Variants in MSI2 observed in about 807,000 individuals in gnomAD.
MSI2 encodes musashi RNA binding protein 2.
A neutral mutation model predicts 45.6 loss-of-function variants in MSI2; 17 were observed. The ratio of observed to expected loss-of-function variants is 0.37; its 90% CI spans 0.26 to 0.56. The LOEUF (loss-of-function observed/expected upper bound fraction) is 0.56. Among genes scored for constraint, MSI2 ranks in the 20% least tolerant of loss-of-function variants. MSI2 has a pLI of 0.77. For missense variants in MSI2, 293 were observed against 444.2 expected (o/e 0.66, Z 3.06); for synonymous variants, 156 against 158.2 (o/e 0.99, Z 0.11).
chr17:57,430,272 G>A (rs1255447905), intron 6 of MSI2, among the ~76,000 whole-genome samples: 1 of 152,150 alleles, frequency 6.6e-6, no homozygotes, highest in East Asian at 1.9e-4. Context: ...AATTAGGCAT[G>A]AATGGCAAAC....
At chr17:57,272,724 G>A (rs992658348) in intron 5 of MSI2, among the ~76,000 whole-genome samples, 4 of 152,120 alleles carry the variant, frequency 2.6e-5, no homozygotes, top group Non-Finnish European at 5.9e-5. Flanking sequence ...GCTCAGTTGC[G>A]AACTAGTTTC....
intron 5 of MSI2, chr17:57,277,840 A>G (rs2143341979): frequency 6.6e-6 from 1 of 152,324 alleles, no homozygotes; most frequent in African/African-American, 2.4e-5. Context: ...TTTTACTATT[A>G]ACAGCTCCAT....
At chr17:57,492,938 AT>A (rs2085904569) in intron 6 of MSI2, among the ~76,000 whole-genome samples, 1 of 152,020 alleles carries the variant, frequency 6.6e-6, no homozygotes, top group South Asian at 2.1e-4. Context: ...TTCTTCCTCC[AT>A]TTTCCATCAG....
chr17:57,525,251 T>G (rs1001073149), intron 6 of MSI2, among the ~76,000 whole-genome samples: 3 of 152,034 alleles, frequency 2.0e-5, no homozygotes, highest in Non-Finnish European at 4.4e-5. Flanking sequence ...CTTACCTAAA[T>G]GTTACTTTAC....
At chr17:57,454,856 C>T (rs2085082842) in intron 6 of MSI2, among the ~76,000 whole-genome samples, 1 of 152,224 alleles carries the variant, frequency 6.6e-6, no homozygotes, top group Non-Finnish European at 1.5e-5. Context: ...GTAGAGGTAA[C>T]AGCGCAGCCC....
intron 11 of MSI2, among the ~76,000 whole-genome samples, chr17:57,656,222 C>T (rs1388555107): frequency 3.3e-5 from 5 of 152,296 alleles, no homozygotes; most frequent in East Asian, 1.9e-4. Context: ...TCACACTCCC[C>T]GTTCCCCCAG....
chr17:57,471,204 C>T (rs1030120363), intron 6 of MSI2, among the ~76,000 whole-genome samples: 2 of 151,744 alleles, frequency 1.3e-5, no homozygotes, highest in African/African-American at 4.8e-5. Context: ...ACCTTTAGCT[C>T]CATCCAAGGT....
At chr17:57,654,824 C>T (rs1279284659) in intron 11 of MSI2, among the ~76,000 whole-genome samples, 1 of 152,130 alleles carries the variant, frequency 6.6e-6, no homozygotes, top group Non-Finnish European at 1.5e-5. Flanking sequence ...CTCTGCTCCC[C>T]AGGGGCTCTC....
chr17:57,285,878 G>A, intron 5 of MSI2: 2 of 1,525,714 alleles, frequency 1.3e-6, no homozygotes, highest in Non-Finnish European at 1.7e-6. Flanking sequence ...CCGAACAGGT[G>A]TTTAGATGAT....
intron 5 of MSI2, among the ~76,000 whole-genome samples, chr17:57,399,207 G>A (rs1567801378): frequency 6.6e-6 from 1 of 152,154 alleles, no homozygotes; most frequent in Non-Finnish European, 1.5e-5. Context: ...TGTGCACAGT[G>A]GTGGGATCTT....
At chr17:57,597,368 C>T (rs6503821) in intron 8 of MSI2, among the ~76,000 whole-genome samples, 74,908 of 151,136 alleles carry the variant, frequency 0.5, 18,735 homozygotes, top group Admixed American at 0.56. Flanking sequence ...TGATGGCTCA[C>T]GCCTATAACC....
intron 10 of MSI2, among the ~76,000 whole-genome samples, chr17:57,649,580 A>AAC (rs1182471402): frequency 1.3e-5 from 2 of 152,078 alleles, no homozygotes; most frequent in Non-Finnish European, 2.9e-5. Flanking sequence ...ATACACACCC[A>AAC]ACACACACAC....
At chr17:57,618,193 G>C (rs2144570359) in intron 9 of MSI2, 1 of 151,554 alleles carries the variant, frequency 6.6e-6, no homozygotes. Flanking sequence ...ACTCTGGGCT[G>C]TGCAGATTTG....
chr17:57,422,916 G>T (rs963171523), intron 6 of MSI2, among the ~76,000 whole-genome samples: 1 of 152,168 alleles, frequency 6.6e-6, no homozygotes, highest in Non-Finnish European at 1.5e-5. Flanking sequence ...GGGCACCATG[G>T]GTTTCTTTCT....
In MSI2 at chr17:57,521,156, G is replaced by C. The variant is rs189701428; in HGVS notation, c.406-8520G>C. Among the ~76,000 whole-genome samples, 130 of 152,290 alleles carry C rather than the reference G, an allele frequency of 8.5e-4. 1 individual carries two copies. The highest frequency in any genetic ancestry group is 7.1e-3 in the Admixed American group (109 of 15,300). On this transcript the variant is annotated intron_variant, in intron 6 of 13. Coordinates refer to ENST00000284073, the MANE Select transcript of MSI2 (RefSeq NM_138962.4). ...GCACCTTCATCACTGCAGTCTTCCA[G>C]GGGTAAACACACAGGGACAGAAAGG... is the stretch of plus-strand genomic sequence containing the variant.
intron 6 of MSI2, among the ~76,000 whole-genome samples, chr17:57,474,021 T>A (rs1215492291): frequency 1.3e-5 from 2 of 152,142 alleles, no homozygotes; most frequent in Non-Finnish European, 2.9e-5. Context: ...ATGGGGAAGA[T>A]GTTTCTTGAA....
chr17:57,570,498 G>A (rs987425193), intron 7 of MSI2, among the ~76,000 whole-genome samples: 28 of 152,292 alleles, frequency 1.8e-4, no homozygotes, highest in African/African-American at 6.7e-4. Context: ...GATGAGAACA[G>A]GGGTCTCTTC....
intron 11 of MSI2, among the ~76,000 whole-genome samples, chr17:57,653,568 G>A (rs1598495226): frequency 6.6e-6 from 1 of 152,160 alleles, no homozygotes; most frequent in Admixed American, 6.5e-5. Context: ...GTGCTTTTTG[G>A]TATCATTATA....
At chr17:57,348,038 T>G (rs909026319) in intron 5 of MSI2, among the ~76,000 whole-genome samples, 4 of 152,220 alleles carry the variant, frequency 2.6e-5, no homozygotes, top group Non-Finnish European at 4.4e-5. Context: ...GTCCAGCCTT[T>G]CTCATCTGCT....
Sources: gnomAD v4.1 joint callset for allele counts (sites outside exome capture counted in the v4.1 genomes callset) on GRCh38, gnomAD v4.1.1 for gene constraint, MANE v1.5 for transcripts, NCBI Gene and HGNC (gene_info 2026-07-23, HGNC 2026-07-21) for gene names.